Variants in SCAMP2 observed in about 807,000 individuals in gnomAD.
The protein encoded by SCAMP2 is secretory carrier-associated membrane protein 2.
In SCAMP2, 25 loss-of-function variants were observed where a neutral mutation model predicts 44.1. That is an observed-to-expected ratio of 0.57 (90% CI 0.41 to 0.79). SCAMP2 has a LOEUF of 0.79. Ranked by LOEUF, SCAMP2 falls within the 30% of genes least tolerant of loss-of-function variation. The probability of loss-of-function intolerance (pLI) is 0.00; values close to 1 mark genes in which losing one functional copy is unlikely to be tolerated. For synonymous variants in SCAMP2, 156 were observed against 166.0 expected (o/e 0.94, Z 0.46); for missense variants, 355 against 411.0 (o/e 0.86, Z 1.18).
intron 1 of SCAMP2, among the ~76,000 whole-genome samples, chr15:74,869,420 TGTTACTTTC>T (rs1283029694): frequency 1.3e-5 from 2 of 152,200 alleles, no homozygotes; most frequent in African/African-American, 4.8e-5. Context: ...AATACTAATT[TGTTACTTTC>T]ACCACTCCCA....
intron 1 of SCAMP2, among the ~76,000 whole-genome samples, chr15:74,862,889 CACACACACAT>C (rs1195869436): frequency 9.1e-5 from 13 of 142,656 alleles, no homozygotes; most frequent in African/African-American, 3.8e-4. Context: ...CACACACACA[CACACACACAT>C]ATTTTTAAAA....
chr15:74,846,799 CT>C (rs958313831), intron 7 of SCAMP2, among the ~76,000 whole-genome samples: 3 of 152,082 alleles, frequency 2.0e-5, no homozygotes, highest in Non-Finnish European at 4.4e-5. Flanking sequence ...TGGGCCGGGC[CT>C]TTTTCTGCTG....
intron 1 of SCAMP2, chr15:74,872,916 G>C (rs1175127498): frequency 5.0e-6 from 2 of 397,080 alleles, no homozygotes; most frequent in African/African-American, 4.2e-5. Context: ...GGAAGGGTCC[G>C]ACCGTACCTG....
intron 3 of SCAMP2, chr15:74,852,795 G>C (rs1398988604): frequency 6.5e-6 from 1 of 152,910 alleles, no homozygotes; most frequent in African/African-American, 2.4e-5. Flanking sequence ...GTGTGGCCCT[G>C]CCCTGCCTGG....
chr15:74,856,264 CTTTTTTTTTTTTTTTT>C (rs34812536), intron 1 of SCAMP2, among the ~76,000 whole-genome samples: 2 of 60,408 alleles, frequency 3.3e-5, no homozygotes, highest in South Asian at 8.4e-4. Flanking sequence ...AGAGCCAGTT[CTTTTTTTTTTTTTTTT>C]TTTTTTTTTT....
At chr15:74,871,295 A>T (rs905941462) in intron 1 of SCAMP2, among the ~76,000 whole-genome samples, 27 of 151,958 alleles carry the variant, frequency 1.8e-4, no homozygotes, top group Non-Finnish European at 3.2e-4. Context: ...CTCTACAAAA[A>T]TTTTTTTTAA....
In SCAMP2 at chr15:74,845,233, G is replaced by C. The variant is rs562411151; in HGVS notation, c.856-16C>G. 6.2e-7 allele frequency: 1 copy of C among 1,610,260 alleles called. No individual in the cohort carries two copies. The highest frequency in any genetic ancestry group is 2.2e-5 in the East Asian group (1 of 44,876). Reference sequence around the variant, plus strand: ...GGGAGTGCACCTGGCGAAGAGGGGTGGGGTGAGAGAAGCCTGTCCTTTGGG... The same window carrying C: ...GGGAGTGCACCTGGCGAAGAGGGGTCGGGTGAGAGAAGCCTGTCCTTTGGG... On this transcript the variant is annotated splice_polypyrimidine_tract_variant and intron_variant, in intron 8 of 8. Transcript: ENST00000268099.
intron 1 of SCAMP2, among the ~76,000 whole-genome samples, chr15:74,872,394 C>T (rs1261802882): frequency 6.9e-6 from 1 of 144,314 alleles, no homozygotes; most frequent in Non-Finnish European, 1.5e-5. Flanking sequence ...GCCTGGGCGA[C>T]AAAGCGAGAC....
chr15:74,873,132 G>A (rs1354831792), intron 1 of SCAMP2, 67 bp downstream of exon 1: 20 of 1,311,056 alleles, frequency 1.5e-5, no homozygotes, highest in Non-Finnish European at 2.0e-5. Context: ...GCTCTAGCGA[G>A]AGGCCCGGGC....
At chr15:74,873,121 G>T in intron 1 of SCAMP2, 78 bp downstream of exon 1, 3 of 1,260,470 alleles carry the variant, frequency 2.4e-6, no homozygotes, top group Non-Finnish European at 3.1e-6. Context: ...CACGTCTCCC[G>T]GCTCTAGCGA....
intron 7 of SCAMP2, among the ~76,000 whole-genome samples, chr15:74,847,109 T>TTTG (rs2064404727): frequency 2.9e-5 from 4 of 136,100 alleles, no homozygotes; most frequent in South Asian, 2.5e-4. Context: ...TTTTTTTTTT[T>TTTG]GAGATTGAGT....
chr15:74,859,651 C>G (rs1404661907), intron 1 of SCAMP2, among the ~76,000 whole-genome samples: 1 of 148,196 alleles, frequency 6.7e-6, no homozygotes, highest in Non-Finnish European at 1.5e-5. Flanking sequence ...GAGTCTCGCT[C>G]TGTTGCCCAG....
At chr15:74,848,750 C>T in intron 6 of SCAMP2, 49 bp from the exon 7 acceptor site, 1 of 1,347,266 alleles carries the variant, frequency 7.4e-7, no homozygotes, top group East Asian at 2.4e-5. Context: ...GGCTGTGTTC[C>T]TCAGCATCCT....
intron 1 of SCAMP2, among the ~76,000 whole-genome samples, chr15:74,856,925 A>C (rs1047614168): frequency 6.6e-6 from 1 of 152,168 alleles, no homozygotes; most frequent in African/African-American, 2.4e-5. Context: ...CAATGCTAAT[A>C]TTAGACATAG....
intron 1 of SCAMP2, among the ~76,000 whole-genome samples, chr15:74,860,685 T>TTAAA (rs1163350924): frequency 1.1e-5 from 1 of 89,532 alleles, no homozygotes; most frequent in Non-Finnish European, 2.1e-5. Flanking sequence ...AGACTCCATT[T>TTAAA]AAAAAAAAAA....
At chr15:74,861,237 A>T (rs2064501047) in intron 1 of SCAMP2, among the ~76,000 whole-genome samples, 1 of 152,018 alleles carries the variant, frequency 6.6e-6, no homozygotes, top group Non-Finnish European at 1.5e-5. Flanking sequence ...GCTGAGAGGC[A>T]GAGAGTCAGC....
Position 74,845,018 on chromosome 15 carries a change from C to T in SCAMP2, c.*65G>A. On this transcript the variant is annotated 3_prime_UTR_variant, in exon 9 of 9. Transcript: ENST00000268099. ...GGCACAACCACCACCACATAAGGCA[C>T]CCACGGAAAGTGCAGCTCAGAAGGC... 1.3e-6 allele frequency: 2 copies of T among 1,559,546 alleles called. No homozygotes were observed. The highest frequency in any genetic ancestry group is 2.4e-5 in the South Asian group (2 of 84,446).
At chr15:74,869,205 T>C (rs1249784098) in intron 1 of SCAMP2, among the ~76,000 whole-genome samples, 2 of 151,982 alleles carry the variant, frequency 1.3e-5, no homozygotes, top group African/African-American at 4.8e-5. Flanking sequence ...TTCCCAAACC[T>C]ATTTGACCAC....
chr15:74,871,613 G>A (rs1434749575), intron 1 of SCAMP2, among the ~76,000 whole-genome samples: 1 of 151,868 alleles, frequency 6.6e-6, no homozygotes, highest in African/African-American at 2.4e-5. Context: ...TTAGCCGGTC[G>A]TGGTGGTGCA....
Sources: allele counts gnomAD v4.1 joint callset (sites outside exome capture counted in the v4.1 genomes callset), GRCh38; gene constraint gnomAD v4.1.1; transcripts MANE v1.5; gene names NCBI Gene and HGNC (gene_info 2026-07-23, HGNC 2026-07-21).